Variants in JAK2 observed in about 807,000 individuals in gnomAD.
The protein encoded by JAK2 is Janus kinase 2.
In JAK2, 86 loss-of-function variants were observed where a neutral mutation model predicts 139.3. That is an observed-to-expected ratio of 0.62 (90% CI 0.52 to 0.74). The LOEUF (loss-of-function observed/expected upper bound fraction) is 0.74. Ranked by LOEUF, JAK2 falls within the 30% of genes least tolerant of loss-of-function variation. JAK2 has a pLI of 0.00. For missense variants in JAK2, 1,421 were observed against 1,360.3 expected, an observed-to-expected ratio of 1.04 and a Z score of -0.70; for synonymous variants, 490 against 437.7, an observed-to-expected ratio of 1.12 and a Z score of -1.49.
chr9:5,088,814 C>CT (rs1820327628), intron 19 of JAK2, among the ~76,000 whole-genome samples: 1 of 152,188 alleles, frequency 6.6e-6, no homozygotes, highest in Non-Finnish European at 1.5e-5. Context: ...TATAAGGGCA[C>CT]TAGCCTTGTC....
At chr9:5,009,803 C>T (rs1821566955) in intron 2 of JAK2, among the ~76,000 whole-genome samples, 1 of 151,334 alleles carries the variant, frequency 6.6e-6, no homozygotes, top group Admixed American at 6.6e-5. Flanking sequence ...CACAGTCTTG[C>T]TCTGTTGCCC....
At chr9:5,097,293 C>G (rs540302673) in intron 22 of JAK2, 9 of 152,138 alleles carry the variant, frequency 5.9e-5, no homozygotes, top group African/African-American at 1.9e-4. Flanking sequence ...ATTAACTGAC[C>G]GTAACCTCAA....
At chr9:4,999,984 A>T (rs571894328) in intron 2 of JAK2, among the ~76,000 whole-genome samples, 4 of 152,270 alleles carry the variant, frequency 2.6e-5, no homozygotes, top group Admixed American at 2.6e-4. Context: ...TCAGCTAAGG[A>T]AGCTAAGGAA....
chr9:5,052,615 A>G (rs73393468), intron 6 of JAK2, among the ~76,000 whole-genome samples: 1,770 of 152,234 alleles, frequency 0.012, 36 homozygotes, highest in African/African-American at 0.038. Context: ...CCTTTCTGAA[A>G]GAAACCCCAT....
At chr9:5,083,248 A>C (rs1563986670) in intron 19 of JAK2, among the ~76,000 whole-genome samples, 2 of 152,170 alleles carry the variant, frequency 1.3e-5, no homozygotes, top group Non-Finnish European at 2.9e-5. Context: ...ACTGTGCCAT[A>C]TTCACTAGCA....
intron 5 of JAK2, among the ~76,000 whole-genome samples, chr9:5,044,921 A>G (rs918260046): frequency 3.3e-5 from 5 of 152,200 alleles, no homozygotes; most frequent in Non-Finnish European, 7.3e-5. Context: ...AATGAACTGT[A>G]GAGAAAGTAG....
At chr9:5,115,928 G>A (rs1823123166) in intron 22 of JAK2, among the ~76,000 whole-genome samples, 3 of 152,020 alleles carry the variant, frequency 2.0e-5, no homozygotes, top group South Asian at 4.2e-4. Flanking sequence ...GCTAGGGGAG[G>A]GATAGCTTTA....
At chr9:5,110,475 A>G (rs1822371431) in intron 22 of JAK2, 2 of 153,030 alleles carry the variant, frequency 1.3e-5, no homozygotes, top group Admixed American at 1.3e-4. Flanking sequence ...TTTTAAAGCT[A>G]TATTATTTAT....
chr9:5,114,188 G>T, intron 22 of JAK2: 1 of 458,246 alleles, frequency 2.2e-6, no homozygotes. Context: ...CGCAAGGGGT[G>T]AGCACCTACC....
rs538825930 is a variant in JAK2, at chr9:5,125,002, C to T, written c.3178-1331C>T. ...TCTCTTAATATTACTTTTATTAAAT[C>T]CAGTAAGCTAATTCATTCTAGGAAT... On this transcript the variant is annotated intron_variant, in intron 23 of 24. Coordinates refer to ENST00000381652, the MANE Select transcript of JAK2 (RefSeq NM_004972.4). 2.4e-4 allele frequency among the ~76,000 whole-genome samples: 36 copies of T among 151,222 alleles called. 3 individuals carry two copies. In the South Asian group the frequency reaches 4.8e-3, roughly 20 times the overall value.
At chr9:5,126,099 C>T (rs976814408) in intron 23 of JAK2, 3 of 349,746 alleles carry the variant, frequency 8.6e-6, no homozygotes, top group South Asian at 2.1e-4. Context: ...GTGTTTTGAG[C>T]CCTCCTCAGG....
intron 22 of JAK2, among the ~76,000 whole-genome samples, chr9:5,102,476 T>C (rs538266644): frequency 6.6e-6 from 1 of 152,266 alleles, no homozygotes; most frequent in South Asian, 2.1e-4. Context: ...CTTCAGGATA[T>C]TATCCAGGAG....
intron 14 of JAK2, among the ~76,000 whole-genome samples, chr9:5,075,803 G>A (rs1417566303): frequency 1.3e-5 from 2 of 152,140 alleles, no homozygotes; most frequent in Non-Finnish European, 2.9e-5. Context: ...ATTTTGTAAG[G>A]CTAAGCTGCC....
intron 8 of JAK2, among the ~76,000 whole-genome samples, chr9:5,062,068 A>C (rs1818215068): frequency 6.6e-6 from 1 of 152,160 alleles, no homozygotes; most frequent in Non-Finnish European, 1.5e-5. Context: ...GTGGTGCCCC[A>C]AAACAATTAC....
chr9:5,062,500 T>TAAAAAAAAAGAAAA (rs1818254850), intron 8 of JAK2, among the ~76,000 whole-genome samples: 1 of 58,248 alleles, frequency 1.7e-5, no homozygotes, highest in African/African-American at 1.0e-4. Flanking sequence ...CTTCCATTTG[T>TAAAAAAAAAGAAAA]AAAAAAAAAA....
intron 22 of JAK2, among the ~76,000 whole-genome samples, chr9:5,121,177 G>C (rs1463106637): frequency 6.6e-6 from 1 of 152,040 alleles, no homozygotes; most frequent in Non-Finnish European, 1.5e-5. Flanking sequence ...TTTCCACAAA[G>C]ATAGAAGGAA....
chr9:5,082,489 T>C (rs1261086312), intron 19 of JAK2, among the ~76,000 whole-genome samples: 1 of 152,230 alleles, frequency 6.6e-6, no homozygotes, highest in Non-Finnish European at 1.5e-5. Context: ...TGAACAAATG[T>C]ATAATTGGGT....
intron 22 of JAK2, among the ~76,000 whole-genome samples, chr9:5,102,654 T>G (rs1314104814): frequency 6.6e-6 from 1 of 152,132 alleles, no homozygotes. Flanking sequence ...AAATGTCGGG[T>G]TGCCCACAAA....
chr9:5,062,335 G>A (rs1288265278), intron 8 of JAK2, among the ~76,000 whole-genome samples: 1 of 151,554 alleles, frequency 6.6e-6, no homozygotes, highest in African/African-American at 2.4e-5. Context: ...TTACATCAAA[G>A]GTCATTGATC....
Sources: gnomAD v4.1 joint callset for allele counts (sites outside exome capture counted in the v4.1 genomes callset) on GRCh38, gnomAD v4.1.1 for gene constraint, MANE v1.5 for transcripts, NCBI Gene and HGNC (gene_info 2026-07-23, HGNC 2026-07-21) for gene names.